The following DTWD2 variants were observed in gnomAD, a reference collection of about 807,000 sequenced individuals.
The protein encoded by DTWD2 is DTW motif tRNA-uridine aminocarboxypropyltransferase 2.
In DTWD2, 39 loss-of-function variants were observed where a neutral mutation model predicts 31.8. That is an observed-to-expected ratio of 1.22 (90% confidence interval 0.95 to 1.60). The LOEUF is 1.60. Ranked by LOEUF, DTWD2 falls within the 40% of genes most tolerant of loss-of-function variation. The probability of loss-of-function intolerance (pLI) is 0.00; values close to 1 mark genes in which losing one functional copy is unlikely to be tolerated. For synonymous variants in DTWD2, 180 were observed against 142.8 expected, an observed-to-expected ratio of 1.26 and a Z score of -1.86; for missense variants, 515 against 381.5, an observed-to-expected ratio of 1.35 and a Z score of -2.92.
rs992220979 is a variant in DTWD2, at chr5:118,893,145, G to A, written c.597+35392C>T. Among the ~76,000 whole-genome samples the A allele has an allele frequency of 3.3e-5, 5 of 152,114 alleles. No homozygotes were observed. In the South Asian group the frequency reaches 1.0e-3, roughly 32 times the overall value. On this transcript the variant is annotated intron_variant, in intron 4 of 5. Transcript: ENST00000510708. Reference sequence around the variant, plus strand: ...AATCCCAGCACTTTGGGAGGCCAAGGCGAGCCAATGCTTAAGATCAGGAGT... The same window carrying A: ...AATCCCAGCACTTTGGGAGGCCAAGACGAGCCAATGCTTAAGATCAGGAGT...
rs771825191 is a variant in DTWD2, at chr5:118,988,314, C to T, written c.198G>A (p.Arg66=). ...GTCACCTGCAGCGGGTGCACTCAGG[C>T]CTCCGCTCGGCCGGCTCCACCGGCA... is the stretch of plus-strand genomic sequence containing the variant. ...WELPVEPAER[R]PECTRCSRPQ... Residue 66 remains arginine (R), a synonymous_variant, in exon 1 of 6, where the codon AGG becomes AGA. Transcript: ENST00000510708. 1.6e-5 allele frequency: 24 copies of T among 1,527,682 alleles called. No individual in the cohort carries two copies. Among genetic ancestry groups the T allele is most frequent in the Non-Finnish European group, 1.8e-5 (21 of 1,141,912 alleles). 94.6% of individuals were successfully genotyped at this position (1,527,682 alleles called of 1,614,324 possible).
intron 4 of DTWD2, among the ~76,000 whole-genome samples, chr5:118,849,956 C>T (rs767918115): frequency 7.3e-5 from 11 of 151,232 alleles, no homozygotes; most frequent in Admixed American, 1.3e-4. Flanking sequence ...CACCACGGCA[C>T]GTGTATACCT....
intron 4 of DTWD2, among the ~76,000 whole-genome samples, chr5:118,855,528 A>G (rs1752114192): frequency 6.6e-6 from 1 of 152,006 alleles, no homozygotes; most frequent in Admixed American, 6.6e-5. Flanking sequence ...GAAAACACTA[A>G]CCTAAATTTC....
intron 2 of DTWD2, among the ~76,000 whole-genome samples, chr5:118,941,489 T>A: frequency 6.6e-6 from 1 of 152,282 alleles, no homozygotes; most frequent in South Asian, 2.1e-4. Context: ...TTCATCCATG[T>A]CCTACAAAGG....
intron 4 of DTWD2, among the ~76,000 whole-genome samples, chr5:118,901,519 G>C (rs1016343834): frequency 1.3e-5 from 2 of 152,026 alleles, no homozygotes; most frequent in Non-Finnish European, 2.9e-5. Flanking sequence ...TCTTGCCTAA[G>C]TCACAACTTT....
At chr5:118,957,340 G>C (rs909783647) in intron 1 of DTWD2, among the ~76,000 whole-genome samples, 1 of 151,894 alleles carries the variant, frequency 6.6e-6, no homozygotes, top group African/African-American at 2.4e-5. Flanking sequence ...TCCTGCCTCA[G>C]CCTCCCAAGT....
chr5:118,902,185 T>C (rs1753227327), intron 4 of DTWD2, among the ~76,000 whole-genome samples: 1 of 152,134 alleles, frequency 6.6e-6, no homozygotes, highest in Admixed American at 6.5e-5. Context: ...TACTGAATAG[T>C]GGAAAGCTAC....
intron 4 of DTWD2, among the ~76,000 whole-genome samples, chr5:118,872,443 C>T (rs561511655): frequency 6.6e-6 from 1 of 152,136 alleles, no homozygotes; most frequent in Non-Finnish European, 1.5e-5. Flanking sequence ...GTGACTCTTC[C>T]TTTCACTTGA....
At chr5:118,884,095 A>G (rs1040199824) in intron 4 of DTWD2, among the ~76,000 whole-genome samples, 5 of 152,218 alleles carry the variant, frequency 3.3e-5, no homozygotes, top group African/African-American at 1.2e-4. Flanking sequence ...TATGATGAAC[A>G]TTTCTCATCT....
chr5:118,863,089 A>G (rs188700941), intron 4 of DTWD2, among the ~76,000 whole-genome samples: 2 of 152,352 alleles, frequency 1.3e-5, no homozygotes, highest in Admixed American at 6.5e-5. Context: ...AGCCACGTTT[A>G]GTAACATATT....
intron 1 of DTWD2, among the ~76,000 whole-genome samples, chr5:118,962,433 G>A (rs1046609672): frequency 6.6e-6 from 1 of 152,008 alleles, no homozygotes; most frequent in African/African-American, 2.4e-5. Context: ...GAAAGTACCA[G>A]AATGACAAAA....
At chr5:118,958,128 C>A (rs1401102425) in intron 1 of DTWD2, among the ~76,000 whole-genome samples, 1 of 152,028 alleles carries the variant, frequency 6.6e-6, no homozygotes, top group Non-Finnish European at 1.5e-5. Flanking sequence ...TCATGTGAAA[C>A]CACAAGTTGG....
chr5:118,939,324 T>C lies in DTWD2; in HGVS notation c.310-34A>G, dbSNP rs768357619. ...AAAAAATGAATTGAAACATAGATTT[T>C]TACTTAGATATACACACTTTTAAAT... On this transcript the variant is annotated intron_variant, in intron 2 of 5. Coordinates refer to ENST00000510708, the MANE Select transcript of DTWD2 (RefSeq NM_173666.4). 4 of 1,524,198 alleles carry C rather than the reference T, an allele frequency of 2.6e-6. No individual in the cohort carries two copies. In the East Asian group the frequency reaches 7.3e-5, roughly 28 times the overall value. 94.4% of individuals were successfully genotyped at this position (1,524,198 alleles called of 1,614,324 possible). A position where few individuals can be genotyped will look rare whatever the true frequency, so the allele number is the denominator to read the frequency against.
At chr5:118,930,156 T>C (rs1242956931) in intron 3 of DTWD2, among the ~76,000 whole-genome samples, 1 of 152,238 alleles carries the variant, frequency 6.6e-6, no homozygotes, top group Non-Finnish European at 1.5e-5. Context: ...TTTTGTCAGA[T>C]GATTTTCAGC....
chr5:118,901,771 T>C (rs1339612847), intron 4 of DTWD2, among the ~76,000 whole-genome samples: 1 of 152,096 alleles, frequency 6.6e-6, no homozygotes. Flanking sequence ...CATTGGGAAT[T>C]ATTATTATTA....
At chr5:118,871,523 G>A (rs1289672190) in intron 4 of DTWD2, among the ~76,000 whole-genome samples, 4 of 152,192 alleles carry the variant, frequency 2.6e-5, no homozygotes, top group Non-Finnish European at 4.4e-5. Context: ...CAGAAAGGAC[G>A]TTGTATCAGC....
At chr5:118,856,764 C>CTTTTT (rs68175368) in intron 4 of DTWD2, among the ~76,000 whole-genome samples, 512 of 44,322 alleles carry the variant, frequency 0.012, 21 homozygotes, top group Non-Finnish European at 0.013. Context: ...TTGAGGCTTA[C>CTTTTT]TTTTTTTTTT....
At chr5:118,861,583 T>TTAA (rs1554062273) in intron 4 of DTWD2, among the ~76,000 whole-genome samples, 1 of 152,000 alleles carries the variant, frequency 6.6e-6, no homozygotes, top group African/African-American at 2.4e-5. Context: ...GATTTTTTTT[T>TTAA]AAAAAAGAAT....
chr5:118,957,819 T>C (rs1754621255), intron 1 of DTWD2, among the ~76,000 whole-genome samples: 1 of 152,184 alleles, frequency 6.6e-6, no homozygotes, highest in Non-Finnish European at 1.5e-5. Context: ...ATATATATTG[T>C]GCTTTGAGAT....
Sources: allele counts gnomAD v4.1 joint callset (sites outside exome capture counted in the v4.1 genomes callset), GRCh38; gene constraint gnomAD v4.1.1; transcripts MANE v1.5; gene names NCBI Gene and HGNC (gene_info 2026-07-23, HGNC 2026-07-21).